Variants in RAB11FIP3 observed in about 807,000 individuals in gnomAD.
The protein encoded by RAB11FIP3 is RAB11 family interacting protein 3, also known as rab11 family-interacting protein 3.
A neutral mutation model predicts 77.8 loss-of-function variants in RAB11FIP3; 17 were observed. The ratio of observed to expected loss-of-function variants is 0.22; its 90% CI spans 0.15 to 0.33. The LOEUF is 0.33. Ranked by LOEUF, RAB11FIP3 falls within the 10% of genes least tolerant of loss-of-function variation. RAB11FIP3 has a pLI of 1.00. For missense variants in RAB11FIP3, 1,005 were observed against 1,011.2 expected (o/e 0.99, Z 0.08); for synonymous variants, 437 against 448.2 (o/e 0.98, Z 0.31).
intron 3 of RAB11FIP3, among the ~76,000 whole-genome samples, chr16:474,587 G>A (rs1305064927): frequency 6.6e-6 from 1 of 152,154 alleles, no homozygotes; most frequent in Non-Finnish European, 1.5e-5. Flanking sequence ...GTCAGGGAGT[G>A]TAAGGCGCAT....
intron 4 of RAB11FIP3, among the ~76,000 whole-genome samples, 195 bp from the exon 5 acceptor site, chr16:488,656 G>A (rs1212001698): frequency 2.0e-5 from 3 of 151,346 alleles, no homozygotes; most frequent in South Asian, 2.1e-4. Context: ...CCATCTGCTC[G>A]CCTTGGCCTC....
intron 1 of RAB11FIP3, among the ~76,000 whole-genome samples, chr16:444,292 C>T (rs763132144): frequency 2.6e-5 from 4 of 152,116 alleles, no homozygotes; most frequent in African/African-American, 9.7e-5. Context: ...ACCTTTGTTC[C>T]GGTGTGACGT....
At chr16:499,300 C>T (rs1350420040) in intron 6 of RAB11FIP3, among the ~76,000 whole-genome samples, 3 of 152,218 alleles carry the variant, frequency 2.0e-5, no homozygotes, top group African/African-American at 7.2e-5. Context: ...TCAGCATCAC[C>T]TTCCTCCCCG....
rs1348651399 is a variant in RAB11FIP3 at position 425,982 on chromosome 16, T to C, written c.-25T>C. The stretch of plus-strand genomic sequence containing the variant: ...CGCCTTTGTCTGCCGCCCGCGCCCT[T>C]CCGCACCACTAGCCTCTCGGGAGCA... On this transcript the variant is annotated 5_prime_UTR_variant, in exon 1 of 14. Coordinates refer to ENST00000262305, the MANE Select transcript of RAB11FIP3 (RefSeq NM_014700.4). The C allele has an allele frequency of 1.6e-5, 10 of 608,794 alleles. 1 individual carries two copies. The highest frequency in any genetic ancestry group is 8.6e-5 in the African/African-American group (1 of 11,596). 37.7% of individuals were successfully genotyped at this position (608,794 alleles called of 1,614,324 possible). A position where few individuals can be genotyped will look rare whatever the true frequency, so the allele number is the denominator to read the frequency against.
chr16:432,517 A>G (rs978163015), intron 1 of RAB11FIP3, among the ~76,000 whole-genome samples: 24 of 152,054 alleles, frequency 1.6e-4, no homozygotes, highest in African/African-American at 5.1e-4. Context: ...AAATGTATGT[A>G]ATACATACTT....
intron 6 of RAB11FIP3, chr16:497,077 G>A (rs1000345663): frequency 1.0e-4 from 59 of 570,830 alleles, no homozygotes; most frequent in Admixed American, 5.8e-4. Context: ...GGGAGGGTAC[G>A]TGTCAGAGCT....
At chr16:479,589 A>G (rs1445047837) in intron 3 of RAB11FIP3, among the ~76,000 whole-genome samples, 1 of 152,130 alleles carries the variant, frequency 6.6e-6, no homozygotes, top group Non-Finnish European at 1.5e-5. Flanking sequence ...TGTAGTTCCC[A>G]GCTACAGCTA....
intron 6 of RAB11FIP3, chr16:497,507 C>G (rs916836027): frequency 1.0e-5 from 12 of 1,177,172 alleles, no homozygotes; most frequent in African/African-American, 1.6e-5. Context: ...CTTCGTGGCC[C>G]GGCATCTGGC....
chr16:434,849 A>G (rs1017763447), intron 1 of RAB11FIP3, among the ~76,000 whole-genome samples: 90 of 151,958 alleles, frequency 5.9e-4, no homozygotes, highest in African/African-American at 2.1e-3. Flanking sequence ...AGATCACTTG[A>G]TGTCAGGAGT....
chr16:510,970 C>T (rs913813021), intron 9 of RAB11FIP3, among the ~76,000 whole-genome samples, 170 bp downstream of exon 9: 1 of 147,372 alleles, frequency 6.8e-6, no homozygotes, highest in Non-Finnish European at 1.5e-5. Flanking sequence ...GAAAGTCCGC[C>T]AACCCCAGAA....
At chr16:489,862 T>C (rs1197004727) in intron 5 of RAB11FIP3, among the ~76,000 whole-genome samples, 1 of 152,160 alleles carries the variant, frequency 6.6e-6, no homozygotes, top group Admixed American at 6.5e-5. Context: ...CAGCCCTGGG[T>C]GTGGGGACCC....
chr16:515,342 T>C (rs553133692), intron 9 of RAB11FIP3, among the ~76,000 whole-genome samples: 1 of 152,338 alleles, frequency 6.6e-6, no homozygotes, highest in East Asian at 1.9e-4. Context: ...TGGAACTTAG[T>C]ATGCTCCACT....
intron 1 of RAB11FIP3, among the ~76,000 whole-genome samples, chr16:458,075 C>T: frequency 6.6e-6 from 1 of 152,248 alleles, no homozygotes; most frequent in East Asian, 1.9e-4. Flanking sequence ...AACTCAGTCT[C>T]TGGCTCAGGA....
In RAB11FIP3 at chr16:482,661, G is replaced by A. The variant is rs1223846214; in HGVS notation, c.1040G>A (p.Gly347Asp). ...GAAGGGGACGCAGACAGTGCCGGCG[G>A]CTCGGCCGTGCCCTCTGAGTGCCTG... ...QPEGDADSAG[G>D]SAVPSECLDA... Residue 347 changes from glycine (G) to aspartate (D), a missense_variant, in exon 4 of 14, where the codon GGC becomes GAC. Coordinates refer to ENST00000262305, the MANE Select transcript of RAB11FIP3 (RefSeq NM_014700.4). 2 of 1,612,858 alleles carry A rather than the reference G, an allele frequency of 1.2e-6. No individual in the cohort carries two copies. Among genetic ancestry groups the A allele is most frequent in the East Asian group, 2.2e-5 (1 of 44,870 alleles).
intron 1 of RAB11FIP3, among the ~76,000 whole-genome samples, chr16:445,928 G>A (rs2055308896): frequency 6.6e-6 from 1 of 152,190 alleles, no homozygotes; most frequent in African/African-American, 2.4e-5. Flanking sequence ...TCTGGATGCA[G>A]TCCTGAGGCT....
chr16:519,679 G>A, intron 10 of RAB11FIP3, 75 bp from the exon 11 acceptor site: 3 of 1,556,330 alleles, frequency 1.9e-6, no homozygotes, highest in Non-Finnish European at 2.6e-6. Context: ...AGATTGGAGG[G>A]ACAGACGGCC....
chr16:454,318 C>G (rs2055459651), intron 1 of RAB11FIP3, among the ~76,000 whole-genome samples: 1 of 152,160 alleles, frequency 6.6e-6, no homozygotes. Flanking sequence ...GTGGCTCATC[C>G]CTGTAGTTCC....
chr16:494,244 C>T (rs1302753869), intron 5 of RAB11FIP3, among the ~76,000 whole-genome samples: 2 of 151,338 alleles, frequency 1.3e-5, no homozygotes, highest in Non-Finnish European at 2.9e-5. Context: ...AGTCCAGGCC[C>T]TGAAAGGTCA....
chr16:500,482 A>G (rs1596284000), intron 6 of RAB11FIP3, among the ~76,000 whole-genome samples: 1 of 151,916 alleles, frequency 6.6e-6, no homozygotes, highest in Non-Finnish European at 1.5e-5. Flanking sequence ...GGAGTTTGAG[A>G]CCAGCCTGGC....
Sources: gnomAD v4.1 joint callset for allele counts (sites outside exome capture counted in the v4.1 genomes callset) on GRCh38, gnomAD v4.1.1 for gene constraint, MANE v1.5 for transcripts, NCBI Gene and HGNC (gene_info 2026-07-23, HGNC 2026-07-21) for gene names.